The following NUB1 variants were observed in gnomAD, a reference collection of about 807,000 sequenced individuals.
NUB1 encodes the protein negative regulator of ubiquitin like proteins 1.
NUB1 carries 41 observed loss-of-function variants against 77.1 expected under a neutral mutation model. That is an observed-to-expected ratio of 0.53 (90% CI 0.41 to 0.69). The LOEUF (loss-of-function observed/expected upper bound fraction) is 0.69. NUB1 is among the 30% of genes least tolerant of loss of function. NUB1 has a pLI of 0.00. For missense variants in NUB1, 643 were observed against 743.8 expected (o/e 0.86, Z 1.58); for synonymous variants, 257 against 281.0 (o/e 0.91, Z 0.85).
At chr7:151,348,947 G>A (rs1796653135) in intron 2 of NUB1, 126 bp from the exon 3 acceptor site, 1 of 754,012 alleles carries the variant, frequency 1.3e-6, no homozygotes. Flanking sequence ...CCACAGTGTG[G>A]ACTGCAGTGT....
At chr7:151,351,513 G>A (rs377523756) in intron 4 of NUB1, 31 bp downstream of exon 4, 53 of 1,547,096 alleles carry the variant, frequency 3.4e-5, no homozygotes, top group Non-Finnish European at 4.3e-5. Context: ...TGTCCTAGGT[G>A]CTCTGGGCCT....
In NUB1 at chr7:151,341,837, C is replaced by A. The variant is rs1381927218; in HGVS notation, c.-12C>A. Reference sequence around the variant, plus strand: ...ACTCTGCTGGTCGCGGCGGGAGTGGCGTGGCGCAGGTGAGGACACGGCGGC... The same window carrying A: ...ACTCTGCTGGTCGCGGCGGGAGTGGAGTGGCGCAGGTGAGGACACGGCGGC... On this transcript the variant is annotated 5_prime_UTR_variant, in exon 1 of 15. Coordinates refer to ENST00000568733, the MANE Select transcript of NUB1 (RefSeq NM_001243351.2). 2 of 1,505,774 alleles carry A rather than the reference C, an allele frequency of 1.3e-6. No homozygotes were observed. Among genetic ancestry groups the A allele is most frequent in the East Asian group, 2.8e-5 (1 of 36,326 alleles). 93.3% of individuals were successfully genotyped at this position (1,505,774 alleles called of 1,614,324 possible). A position where few individuals can be genotyped will look rare whatever the true frequency, so the allele number is the denominator to read the frequency against.
At position 151,377,452 on chromosome 7, in the gene NUB1, G is replaced by A. The variant is rs940712872; in HGVS notation, c.*227G>A. 5.2e-6 allele frequency: 2 copies of A among 383,192 alleles called. No individual in the cohort carries two copies. The highest frequency in any genetic ancestry group is 9.4e-6 in the Non-Finnish European group (2 of 213,140). 23.7% of individuals were successfully genotyped at this position (383,192 alleles called of 1,614,324 possible). ...GCAGGCCGTTCCATCTGCCTCCCAG[G>A]TCTGCGTCCCTAACCCCTTCCCCAG... On this transcript the variant is annotated 3_prime_UTR_variant, in exon 15 of 15. Coordinates refer to ENST00000568733, the MANE Select transcript of NUB1 (RefSeq NM_001243351.2).
chr7:151,375,884 G>C lies in NUB1; in HGVS notation c.1432G>C (p.Asp478His), dbSNP rs756736464. 2 of 1,613,192 alleles carry C rather than the reference G, an allele frequency of 1.2e-6. No individual in the cohort carries two copies. The highest frequency in any genetic ancestry group is 2.7e-5 in the African/African-American group (2 of 74,922). ...LSNPQMWWLN[D>H]SNPETDNRQE... is the part of the protein sequence containing the mutation. The stretch of plus-strand genomic sequence containing the variant: ...CAATCCTCAGATGTGGTGGTTAAAT[G>C]ATTCCAATCCTGAAACCGACAACCG... The change falls in exon 13 of 15, where the codon GAT becomes CAT. Residue 478 changes from aspartate to histidine, a missense_variant. Coordinates refer to ENST00000568733, the MANE Select transcript of NUB1 (RefSeq NM_001243351.2).
intron 2 of NUB1, among the ~76,000 whole-genome samples, chr7:151,348,573 T>TTGC (rs1796622735): frequency 1.6e-5 from 1 of 64,456 alleles, no homozygotes; most frequent in South Asian, 5.8e-4. Flanking sequence ...TTTTTGCTTT[T>TTGC]TTTTTTTTTT....
chr7:151,376,613 G>T, intron 13 of NUB1, 21 bp from the exon 14 acceptor site: 1 of 1,582,308 alleles, frequency 6.3e-7, no homozygotes, highest in South Asian at 1.1e-5. Flanking sequence ...CTGATGCTGT[G>T]ACCCCTGCGC....
Position 151,367,071 on chromosome 7 carries a change from G to A in NUB1, c.933G>A (p.Gln311=). The A allele has an allele frequency of 6.2e-7, 1 of 1,613,806 alleles. No homozygotes were observed. The highest frequency in any genetic ancestry group is 8.5e-7 in the Non-Finnish European group (1 of 1,179,848). Residue 311 remains glutamine (Q), a synonymous_variant, in exon 9 of 15, where the codon CAG becomes CAA. Coordinates refer to ENST00000568733, the MANE Select transcript of NUB1 (RefSeq NM_001243351.2). Reference sequence around the variant, plus strand: ...CAGAAAAAAAATTAAACTTGGCCCAGAAATGCTTTAAAAATTGTTACGGAG... The same window carrying A: ...CAGAAAAAAAATTAAACTTGGCCCAAAAATGCTTTAAAAATTGTTACGGAG... ...DDAEKKLNLA[Q]KCFKNCYGEN... is the part of the protein sequence containing the mutation.
In NUB1 at chr7:151,377,365, T is replaced by C; in HGVS notation, c.*140T>C. 1 of 588,748 alleles carries C rather than the reference T, an allele frequency of 1.7e-6. No homozygotes were observed. The highest frequency in any genetic ancestry group is 2.8e-6 in the Non-Finnish European group (1 of 353,110). 36.5% of individuals were successfully genotyped at this position (588,748 alleles called of 1,614,324 possible). ...TAGGAGGGGGTGGGCAGGGGACAAG[T>C]CCAGGAGGGGTCCCAGGGCCTTCAT... is the stretch of plus-strand genomic sequence containing the variant. On this transcript the variant is annotated 3_prime_UTR_variant, in exon 15 of 15. Transcript: ENST00000568733.
intron 5 of NUB1, 137 bp from the exon 6 acceptor site, chr7:151,355,631 T>G (rs1359707441): frequency 2.4e-6 from 2 of 825,250 alleles, no homozygotes; most frequent in East Asian, 2.7e-5. Context: ...CATGATCGTG[T>G]CACTGCACTC....
intron 4 of NUB1, among the ~76,000 whole-genome samples, 179 bp from the exon 5 acceptor site, chr7:151,352,633 T>C (rs995752540): frequency 1.3e-5 from 2 of 152,088 alleles, no homozygotes; most frequent in Admixed American, 6.6e-5. Context: ...TTTGTAGAGA[T>C]AGGATCTCTC....
chr7:151,351,921 A>T (rs1284468637), intron 4 of NUB1, among the ~76,000 whole-genome samples: 1 of 151,776 alleles, frequency 6.6e-6, no homozygotes, highest in African/African-American at 2.4e-5. Flanking sequence ...TGTAAAACAC[A>T]CACACACACA....
chr7:151,343,405 A>G (rs1000857620), intron 1 of NUB1, among the ~76,000 whole-genome samples: 3 of 152,226 alleles, frequency 2.0e-5, no homozygotes, highest in African/African-American at 7.2e-5. Flanking sequence ...GTTTTCAAAG[A>G]TTTCAAAGTT....
At chr7:151,346,905 C>T (rs1418142335) in intron 2 of NUB1, among the ~76,000 whole-genome samples, 1 of 152,228 alleles carries the variant, frequency 6.6e-6, no homozygotes, top group South Asian at 2.1e-4. Flanking sequence ...ACCTGGGGAC[C>T]AGATACTTGG....
At chr7:151,360,285 G>A (rs1255825034) in intron 8 of NUB1, 38 bp downstream of exon 8, 20 of 1,134,130 alleles carry the variant, frequency 1.8e-5, no homozygotes, top group Non-Finnish European at 2.7e-5. Context: ...CAGCTTTAAG[G>A]AAGATGGCCC....
Position 151,374,262 on chromosome 7 carries a change from C to T in NUB1, c.1395+19C>T. On this transcript the variant is annotated intron_variant, in intron 12 of 14. Coordinates refer to ENST00000568733, the MANE Select transcript of NUB1 (RefSeq NM_001243351.2). ...CCTGAAGGTAGCAGCTCCCTCGGGG[C>T]CTCTGGCCTTGTCCCTGAGCAGTGG... 6.4e-7 allele frequency: 1 copy of T among 1,551,108 alleles called. No homozygotes were observed. The highest frequency in any genetic ancestry group is 8.7e-7 in the Non-Finnish European group (1 of 1,147,192).
At chr7:151,342,782 A>G (rs1401532670) in intron 1 of NUB1, among the ~76,000 whole-genome samples, 2 of 151,638 alleles carry the variant, frequency 1.3e-5, no homozygotes, top group African/African-American at 2.4e-5. Context: ...GGTTTGTAAC[A>G]CTCCTTCGTC....
chr7:151,368,758 A>G lies in NUB1; in HGVS notation c.1119A>G (p.Leu373=). 1 of 1,613,552 alleles carries G rather than the reference A, an allele frequency of 6.2e-7. No individual in the cohort carries two copies. Among genetic ancestry groups the G allele is most frequent in the Non-Finnish European group, 8.5e-7 (1 of 1,179,732 alleles). ...AGGCACGTCAGCTCTTTAAAGAGCT[A>G]TATATTGATCCATCAAAAGTGGACA... The part of the protein sequence containing the change: ...LNKARQLFKE[L]YIDPSKVDNL... The change falls in exon 11 of 15, where the codon CTA becomes CTG. Residue 373 remains leucine, a synonymous_variant. Coordinates refer to ENST00000568733, the MANE Select transcript of NUB1 (RefSeq NM_001243351.2).
intron 3 of NUB1, chr7:151,351,072 A>C (rs1796770561): frequency 3.8e-6 from 1 of 266,130 alleles, no homozygotes; most frequent in Non-Finnish European, 7.2e-6. Context: ...AAAATGGATT[A>C]GTGGTTGCCA....
Position 151,377,294 on chromosome 7 carries a change from C to T in NUB1, c.*69C>T. 8.0e-6 allele frequency: 8 copies of T among 998,582 alleles called. No individual in the cohort carries two copies. Among genetic ancestry groups the T allele is most frequent in the South Asian group, 1.9e-5 (1 of 52,010 alleles). The allele number at this position is 998,582 out of a possible 1,614,324, so 61.9% of individuals were successfully genotyped here. A position where few individuals can be genotyped will look rare whatever the true frequency, so the allele number is the denominator to read the frequency against. ...TCATTATGAAAAGGCTAATGCAGCTCTTTCTGTTCTTACTTTTTATCTGAA... is the reference window on the plus strand; with the variant it reads ...TCATTATGAAAAGGCTAATGCAGCTTTTTCTGTTCTTACTTTTTATCTGAA... On this transcript the variant is annotated 3_prime_UTR_variant, in exon 15 of 15. Transcript: ENST00000568733.
Sources: gnomAD v4.1 joint callset for allele counts (sites outside exome capture counted in the v4.1 genomes callset) on GRCh38, gnomAD v4.1.1 for gene constraint, MANE v1.5 for transcripts, NCBI Gene and HGNC (gene_info 2026-07-23, HGNC 2026-07-21) for gene names.